Variants in RPL21 observed in about 807,000 individuals in gnomAD.
RPL21 encodes the protein ribosomal protein L21.
A neutral mutation model predicts 21.2 loss-of-function variants in RPL21; 1 was observed. The ratio of observed to expected loss-of-function variants is 0.05; its 90% CI spans 0.02 to 0.22. The LOEUF (loss-of-function observed/expected upper bound fraction) is 0.22, where lower values mean the gene tolerates loss of function less well. Among genes scored for constraint, RPL21 ranks in the 10% least tolerant of loss-of-function variants. The probability of loss-of-function intolerance (pLI) is 1.00; values close to 1 mark genes in which losing one functional copy is unlikely to be tolerated. For synonymous variants in RPL21, 52 were observed against 62.9 expected (o/e 0.83, Z 0.82); for missense variants, 113 against 199.4 (o/e 0.57, Z 2.61).
intron 3 of RPL21, chr13:27,254,817 G>A (rs953029427): frequency 5.7e-6 from 2 of 350,018 alleles, no homozygotes; most frequent in African/African-American, 2.1e-5. Flanking sequence ...CACCGTGCCC[G>A]GCCTAGAATG....
rs56287071 is a variant in RPL21 at position 27,254,411 on chromosome 13, T to TTTTTTC, written c.129+130_129+131insTTTTTC. ...GAATGGATTTTTTTTTTTTTTTTTT[T>TTTTTTC]GGAGACGGAGTTTCACTCTTGTTGC... On this transcript the variant is annotated intron_variant, in intron 3 of 5. Coordinates refer to ENST00000311549, the MANE Select transcript of RPL21 (RefSeq NM_000982.4). The TTTTTTC allele has an allele frequency of 1.1e-5, 7 of 647,466 alleles. No homozygotes were observed. The South Asian group carries it at 1.3e-4, about 12-fold the overall frequency. 40.1% of individuals were successfully genotyped at this position (647,466 alleles called of 1,614,324 possible).
chr13:27,252,592 C>T (rs1232770212), intron 1 of RPL21, among the ~76,000 whole-genome samples: 1 of 150,936 alleles, frequency 6.6e-6, no homozygotes, highest in South Asian at 2.1e-4. Flanking sequence ...CTTGGTGATT[C>T]CACAAAGTGA....
chr13:27,254,411 T>TTTG (rs56287071), intron 3 of RPL21, 130 bp downstream of exon 3: 1 of 647,440 alleles, frequency 1.5e-6, no homozygotes, highest in Non-Finnish European at 2.7e-6. Flanking sequence ...TTTTTTTTTT[T>TTTG]GGAGACGGAG....
At chr13:27,255,570 C>G (rs751740283) in intron 4 of RPL21, 3 of 720,394 alleles carry the variant, frequency 4.2e-6, no homozygotes, top group Non-Finnish European at 7.7e-6. Context: ...AGTTACTAAG[C>G]GGTTTGTTTG....
intron 4 of RPL21, 76 bp from the exon 5 acceptor site, chr13:27,256,108 G>A (rs1881890476): frequency 1.8e-6 from 2 of 1,128,122 alleles, no homozygotes; most frequent in Middle Eastern, 2.8e-4. Flanking sequence ...TTTAATAAAT[G>A]AAACTGCAAA....
rs748792991 is a variant in RPL21, at chr13:27,253,810, C to A, written c.34C>A (p.Arg12=). The A allele has an allele frequency of 1.6e-5, 25 of 1,607,354 alleles. No individual in the cohort carries two copies. The highest frequency in any genetic ancestry group is 2.1e-5 in the Non-Finnish European group (25 of 1,174,108). ...TNTKGKRRGT[R]YMFSRPFRKH... is the part of the protein sequence containing the mutation. The stretch of plus-strand genomic sequence containing the variant: ...CACAAAGGGAAAGAGGAGAGGCACC[C>A]GATATATGTTCTCTAGGCCTTTTAG... The change falls in exon 2 of 6, where the codon CGA becomes AGA. Residue 12 remains arginine, a synonymous_variant. Transcript: ENST00000311549.
Position 27,256,544 on chromosome 13 carries a change from AT to A in RPL21, c.*20del. On this transcript the variant is annotated 3_prime_UTR_variant, in exon 6 of 6. Coordinates refer to ENST00000311549, the MANE Select transcript of RPL21 (RefSeq NM_000982.4). ...GGCATAATAGGTGTTAAAAAAAAAA[AT>A]AAAGGACCTCTGGGCTACAAAAATG... 1.0e-6 allele frequency: 1 copy of A among 1,004,286 alleles called. No individual in the cohort carries two copies. Among genetic ancestry groups the A allele is most frequent in the Non-Finnish European group, 1.6e-6 (1 of 630,278 alleles). The allele number at this position is 1,004,286 out of a possible 1,614,324, so 62.2% of individuals were successfully genotyped here. A position where few individuals can be genotyped will look rare whatever the true frequency, so the allele number is the denominator to read the frequency against.
chr13:27,253,895 T>C (rs773978305), intron 2 of RPL21, 52 bp downstream of exon 2: 1 of 1,045,990 alleles, frequency 9.6e-7, no homozygotes, highest in Non-Finnish European at 1.5e-6. Context: ...TTGTGTTCTG[T>C]TGTGTTCAAC....
chr13:27,252,336 A>G (rs1222463939), intron 1 of RPL21, among the ~76,000 whole-genome samples: 2 of 152,352 alleles, frequency 1.3e-5, no homozygotes, highest in African/African-American at 2.4e-5. Flanking sequence ...ACATTTAGCC[A>G]TAGTTCATCA....
chr13:27,255,910 CTT>C (rs1175913536), intron 4 of RPL21: 2 of 380,258 alleles, frequency 5.3e-6, no homozygotes, highest in South Asian at 2.7e-5. Flanking sequence ...GTTTAGTAAA[CTT>C]TTAAATTTTA....
chr13:27,254,903 T>C, intron 3 of RPL21: 1 of 406,904 alleles, frequency 2.5e-6, no homozygotes, highest in South Asian at 2.0e-5. Context: ...CTAGTGGAAA[T>C]TGGGTGGTAG....
chr13:27,252,224 T>C (rs1881684971), intron 1 of RPL21, among the ~76,000 whole-genome samples: 1 of 152,152 alleles, frequency 6.6e-6, no homozygotes, highest in Non-Finnish European at 1.5e-5. Context: ...CACATGGTGA[T>C]CGGACGAAGG....
At chr13:27,252,467 C>T (rs187061107) in intron 1 of RPL21, among the ~76,000 whole-genome samples, 355 of 152,154 alleles carry the variant, frequency 2.3e-3, no homozygotes, top group Non-Finnish European at 3.0e-3. Flanking sequence ...TTGAAAAGTG[C>T]CTTCAGTTTT....
At chr13:27,252,700 C>T (rs565928772) in intron 1 of RPL21, among the ~76,000 whole-genome samples, 2 of 152,302 alleles carry the variant, frequency 1.3e-5, no homozygotes, top group African/African-American at 2.4e-5. Context: ...AACAGAGTAC[C>T]TGGCATTTAA....
intron 3 of RPL21, 41 bp downstream of exon 3, chr13:27,254,322 A>ATTCT (rs1424767838): frequency 1.6e-5 from 19 of 1,216,850 alleles, no homozygotes; most frequent in Non-Finnish European, 2.3e-5. Flanking sequence ...AGAAGATAGA[A>ATTCT]AAGTTGGATT....
chr13:27,256,280 T>C lies in RPL21; in HGVS notation c.339T>C (p.Asp113=), dbSNP rs1477006478. 19 of 1,603,398 alleles carry C rather than the reference T, an allele frequency of 1.2e-5. No individual in the cohort carries two copies. The highest frequency in any genetic ancestry group is 1.3e-5 in the Non-Finnish European group (15 of 1,172,824). Residue 113 remains aspartate, a synonymous_variant, in exon 5 of 6, where the codon GAT becomes GAC. Transcript: ENST00000311549. The stretch of plus-strand genomic sequence containing the variant: ...TCCTGAAACGTGTGAAGGAAAATGA[T>C]CAGAAAAAGAAAGAAGCCAAAGAGA... ...DSFLKRVKEN[D]QKKKEAKEKG... is the part of the protein sequence containing the mutation.
chr13:27,253,980 GT>G, intron 2 of RPL21, 137 bp downstream of exon 2: 1 of 716,226 alleles, frequency 1.4e-6, no homozygotes, highest in Non-Finnish European at 2.5e-6. Context: ...TCGTGATAAG[GT>G]AAATAAATTA....
chr13:27,255,590 G>A (rs1177147337), intron 4 of RPL21: 7 of 658,124 alleles, frequency 1.1e-5, no homozygotes, highest in Admixed American at 1.8e-5. Flanking sequence ...GTTTTGTTTC[G>A]AGACGGAGTC....
chr13:27,255,521 A>G (rs760063254), intron 4 of RPL21, 167 bp downstream of exon 4: 5 of 760,128 alleles, frequency 6.6e-6, no homozygotes. Context: ...GTCAGAGGAA[A>G]CAAATTGAAA....
Sources: gnomAD v4.1 joint callset for allele counts (sites outside exome capture counted in the v4.1 genomes callset) on GRCh38, gnomAD v4.1.1 for gene constraint, MANE v1.5 for transcripts, NCBI Gene and HGNC (gene_info 2026-07-23, HGNC 2026-07-21) for gene names.